The following COL5A1 variants were observed in gnomAD, a reference collection of about 807,000 sequenced individuals.
The protein encoded by COL5A1 is collagen type V alpha 1 chain.
In COL5A1, 16 loss-of-function variants were observed where a neutral mutation model predicts 263.7. That is an observed-to-expected ratio of 0.06 (90% CI 0.04 to 0.09). The LOEUF (loss-of-function observed/expected upper bound fraction) is 0.09. COL5A1 is among the 10% of genes least tolerant of loss of function. COL5A1 has a pLI of 1.00. For synonymous variants in COL5A1, 1,012 were observed against 1,004.5 expected (o/e 1.01, Z -0.14); for missense variants, 2,036 against 2,540.5 (o/e 0.80, Z 4.27).
chr9:134,648,250 G>T (rs533327484), intron 1 of COL5A1, among the ~76,000 whole-genome samples: 11 of 150,334 alleles, frequency 7.3e-5, no homozygotes, highest in Non-Finnish European at 1.5e-4. Context: ...TATTGTGGTG[G>T]GACCTTGTGA....
intron 42 of COL5A1, among the ~76,000 whole-genome samples, chr9:134,807,452 C>G (rs1364581319): frequency 1.3e-5 from 2 of 152,226 alleles, no homozygotes; most frequent in African/African-American, 4.8e-5. Flanking sequence ...TGCTACCACA[C>G]CCGGCTACTT....
intron 17 of COL5A1, 58 bp downstream of exon 17, chr9:134,756,876 T>A (rs1835995180): frequency 1.9e-6 from 3 of 1,542,172 alleles, no homozygotes; most frequent in Non-Finnish European, 2.7e-6. Flanking sequence ...TGGGGTCATG[T>A]TGATGATGTA....
rs1230464086 is a variant in COL5A1 at position 134,841,293 on chromosome 9, G to A, written c.5371-864G>A. On this transcript the variant is annotated intron_variant, in intron 65 of 65. Coordinates refer to ENST00000371817, the MANE Select transcript of COL5A1 (RefSeq NM_000093.5). This position sits in a 1 kb window ranked among gnomAD's most constrained non-coding sequence, Gnocchi z 4.8. ...CTCCAGGGCCCTTGTCTTGGGGGAAGTTGACGGGACAGCAGGGCCAGCTCA... is the reference window on the plus strand; with the variant it reads ...CTCCAGGGCCCTTGTCTTGGGGGAAATTGACGGGACAGCAGGGCCAGCTCA... Among the ~76,000 whole-genome samples, 2 of 152,240 alleles carry A rather than the reference G, an allele frequency of 1.3e-5. No individual in the cohort carries two copies. The highest frequency in any genetic ancestry group is 2.9e-5 in the Non-Finnish European group (2 of 68,046).
At position 134,758,122 on chromosome 9, in the gene COL5A1, G is replaced by T. The variant is rs1225008008; in HGVS notation, c.1882-121G>T. ...AGAGGGCTGGCCGATGGGGTTCAGG[G>T]TGCATAGATGCTGTGTGAAACGTGG... On this transcript the variant is annotated intron_variant, in intron 17 of 65. Coordinates refer to ENST00000371817, the MANE Select transcript of COL5A1 (RefSeq NM_000093.5). The surrounding 1 kb of genome is among the most constrained non-coding windows in gnomAD (Gnocchi z 4.1). 2.1e-6 allele frequency: 2 copies of T among 952,926 alleles called. No individual in the cohort carries two copies. Among genetic ancestry groups the T allele is most frequent in the South Asian group, 1.3e-5 (1 of 77,078 alleles). The allele number at this position is 952,926 out of a possible 1,614,324, so 59.0% of individuals were successfully genotyped here.
intron 25 of COL5A1, among the ~76,000 whole-genome samples, chr9:134,770,885 A>C (rs1338554219): frequency 1.3e-5 from 2 of 152,222 alleles, no homozygotes; most frequent in African/African-American, 4.8e-5. Context: ...TTTCCTGTTC[A>C]AACATTTTTT....
chr9:134,701,065 G>T (rs1408161938), intron 3 of COL5A1, 106 bp from the exon 4 acceptor site: 6 of 1,161,780 alleles, frequency 5.2e-6, no homozygotes, highest in Middle Eastern at 2.2e-4. Context: ...CACCACGATC[G>T]TGCAGGAAGT....
At chr9:134,795,172 T>TGGTTTAGG (rs1837852815) in intron 33 of COL5A1, 46 bp downstream of exon 33, 1 of 1,613,228 alleles carries the variant, frequency 6.2e-7, no homozygotes, top group Non-Finnish European at 8.5e-7. Flanking sequence ...AACGGGAGCA[T>TGGTTTAGG]GGTTTAGGGA....
At chr9:134,799,072 G>C (rs1353357213) in intron 37 of COL5A1, among the ~76,000 whole-genome samples, 1 of 152,186 alleles carries the variant, frequency 6.6e-6, no homozygotes, top group Admixed American at 6.5e-5. Context: ...GGTGGAAGTG[G>C]CCTCTAACTA....
In COL5A1 at chr9:134,716,241, AT is replaced by A. The variant is rs1394859952; in HGVS notation, c.655-11023del. On this transcript the variant is annotated intron_variant, in intron 4 of 65. Transcript: ENST00000371817. The surrounding 1 kb of genome is among the most constrained non-coding windows in gnomAD (Gnocchi z 4.5). ...TATCAACAGATGGAGGCCTGGAGTA[AT>A]TAGTCATACGCTGACATCCTCACAG... 6.6e-6 allele frequency among the ~76,000 whole-genome samples: 1 copy of A among 152,170 alleles called. No individual in the cohort carries two copies. The highest frequency in any genetic ancestry group is 1.5e-5 in the Non-Finnish European group (1 of 68,020).
chr9:134,673,522 T>C (rs766647956), intron 1 of COL5A1, among the ~76,000 whole-genome samples: 16 of 149,464 alleles, frequency 1.1e-4, no homozygotes, highest in Non-Finnish European at 1.8e-4. Context: ...CTATTTGCAA[T>C]AGAATAAGCC....
At position 134,678,720 on chromosome 9, in the gene COL5A1, A is replaced by C. The variant is rs1013975774; in HGVS notation, c.110-12192A>C. 2.0e-5 allele frequency among the ~76,000 whole-genome samples: 3 copies of C among 152,082 alleles called. No homozygotes were observed. Among genetic ancestry groups the C allele is most frequent in the South Asian group, 2.1e-4 (1 of 4,828 alleles). ...ATGACAGCCCAAGTGATCCACCAGG[A>C]CTCTCGCAGTGCAGACAAAATGAAA... On this transcript the variant is annotated intron_variant, in intron 1 of 65. Coordinates refer to ENST00000371817, the MANE Select transcript of COL5A1 (RefSeq NM_000093.5). The surrounding 1 kb of genome is among the most constrained non-coding windows in gnomAD (Gnocchi z 5.5).
At position 134,727,295 on chromosome 9, in the gene COL5A1, G is replaced by T; in HGVS notation, c.684G>T (p.Ser228=). The T allele has an allele frequency of 6.2e-7, 1 of 1,613,800 alleles. No homozygotes were observed. The highest frequency in any genetic ancestry group is 8.5e-7 in the Non-Finnish European group (1 of 1,179,972). ...EGDIQQLLFV[S]DHRAAYDYCE... The stretch of plus-strand genomic sequence containing the variant: ...ACATCCAGCAGCTGCTCTTTGTCTC[G>T]GACCACCGGGCAGCTTATGATTACT... Residue 228 remains serine, a synonymous_variant, in exon 5 of 66, where the codon TCG becomes TCT. Coordinates refer to ENST00000371817, the MANE Select transcript of COL5A1 (RefSeq NM_000093.5).
intron 18 of COL5A1, among the ~76,000 whole-genome samples, chr9:134,760,623 C>CA (rs1836357504): frequency 1.7e-5 from 2 of 115,386 alleles, no homozygotes; most frequent in African/African-American, 8.0e-5. Context: ...ACACACACAC[C>CA]CACACACCCC....
In COL5A1 at chr9:134,681,897, C is replaced by T. The variant is rs575985961; in HGVS notation, c.110-9015C>T. On this transcript the variant is annotated intron_variant, in intron 1 of 65. Coordinates refer to ENST00000371817, the MANE Select transcript of COL5A1 (RefSeq NM_000093.5). This position sits in a 1 kb window ranked among gnomAD's most constrained non-coding sequence, Gnocchi z 4.3. ...TCTTCCTCTCTTTCTCTCTCTGTCT[C>T]TCCCTCTCTCTTTCTGTCTGTGTAG... is the stretch of plus-strand genomic sequence containing the variant. Among the ~76,000 whole-genome samples the T allele has an allele frequency of 6.6e-6, 1 of 152,218 alleles. No homozygotes were observed. Among genetic ancestry groups the T allele is most frequent in the Non-Finnish European group, 1.5e-5 (1 of 68,004 alleles).
intron 42 of COL5A1, among the ~76,000 whole-genome samples, chr9:134,807,151 C>G (rs1330909031): frequency 1.3e-5 from 2 of 152,250 alleles, no homozygotes; most frequent in African/African-American, 4.8e-5. Flanking sequence ...ATTCAATCAG[C>G]TCTGGAGACC....
At chr9:134,793,512 G>A (rs1837793851) in intron 32 of COL5A1, among the ~76,000 whole-genome samples, 1 of 152,112 alleles carries the variant, frequency 6.6e-6, no homozygotes, top group Non-Finnish European at 1.5e-5. Flanking sequence ...CGGTCGAGCC[G>A]GTATTTTGCT....
chr9:134,806,482 G>A (rs538152355), intron 42 of COL5A1, among the ~76,000 whole-genome samples, 186 bp downstream of exon 42: 1 of 152,090 alleles, frequency 6.6e-6, no homozygotes, highest in Admixed American at 6.5e-5. Context: ...TGCCTGAGGA[G>A]CACAGGAGGA....
chr9:134,692,548 T>G (rs1272496181), intron 2 of COL5A1, among the ~76,000 whole-genome samples: 1 of 152,126 alleles, frequency 6.6e-6, no homozygotes, highest in African/African-American at 2.4e-5. Flanking sequence ...AGAGAGCTGA[T>G]TGCCGAGGAC....
intron 61 of COL5A1, among the ~76,000 whole-genome samples, chr9:134,823,711 CTG>C (rs1218996416): frequency 6.6e-6 from 1 of 152,146 alleles, no homozygotes; most frequent in Non-Finnish European, 1.5e-5. Context: ...CACGTGTGTG[CTG>C]TGTGTGCATG....
Sources: gnomAD v4.1 joint callset for allele counts (sites outside exome capture counted in the v4.1 genomes callset) on GRCh38, gnomAD v4.1.1 for gene constraint, Gnocchi (gnomAD v3.1) non-coding constraint, MANE v1.5 for transcripts, NCBI Gene and HGNC (gene_info 2026-07-23, HGNC 2026-07-21) for gene names.